Variants in MAP3K1 observed in about 807,000 individuals in gnomAD.
The protein encoded by MAP3K1 is mitogen-activated protein kinase kinase kinase 1.
A neutral mutation model predicts 144.2 loss-of-function variants in MAP3K1; 36 were observed. The ratio of observed to expected loss-of-function variants is 0.25; its 90% confidence interval spans 0.19 to 0.33. MAP3K1 has a LOEUF of 0.33. MAP3K1 is among the 10% of genes least tolerant of loss of function. The probability of loss-of-function intolerance (pLI) is 1.00; values close to 1 mark genes in which losing one functional copy is unlikely to be tolerated. For missense variants in MAP3K1, 1,650 were observed against 1,881.9 expected (o/e 0.88, Z 2.28); for synonymous variants, 718 against 688.7 (o/e 1.04, Z -0.67).
chr5:56,816,662 C>T (rs1745983190), intron 1 of MAP3K1, among the ~76,000 whole-genome samples: 1 of 152,092 alleles, frequency 6.6e-6, no homozygotes, highest in Middle Eastern at 3.2e-3. Context: ...GCGGCGCGCC[C>T]CCAGCGCCGG....
chr5:56,888,882 G>A (rs993014795), intron 19 of MAP3K1, among the ~76,000 whole-genome samples: 1 of 152,230 alleles, frequency 6.6e-6, no homozygotes, highest in Non-Finnish European at 1.5e-5. Flanking sequence ...AAGAGCATCT[G>A]TGTATGTGTG....
intron 1 of MAP3K1, among the ~76,000 whole-genome samples, chr5:56,848,421 G>A (rs996992363): frequency 3.3e-5 from 5 of 152,144 alleles, no homozygotes; most frequent in African/African-American, 1.2e-4. Context: ...TTGATTAGAA[G>A]TGATAATCAG....
chr5:56,847,411 A>G (rs1747032504), intron 1 of MAP3K1, among the ~76,000 whole-genome samples: 1 of 152,224 alleles, frequency 6.6e-6, no homozygotes, highest in African/African-American at 2.4e-5. Context: ...AGCCTGGCCA[A>G]CATGGTGAAA....
At chr5:56,821,589 T>G (rs1480065307) in intron 1 of MAP3K1, among the ~76,000 whole-genome samples, 1 of 152,206 alleles carries the variant, frequency 6.6e-6, no homozygotes, top group East Asian at 1.9e-4. Context: ...TAGAAATGGG[T>G]TCTCACTATG....
At chr5:56,848,532 CAAAG>C (rs1747067674) in intron 1 of MAP3K1, among the ~76,000 whole-genome samples, 1 of 152,134 alleles carries the variant, frequency 6.6e-6, no homozygotes, top group South Asian at 2.1e-4. Context: ...GCCCTGCCCT[CAAAG>C]AATTTACCCT....
chr5:56,819,205 G>A (rs1196786143), intron 1 of MAP3K1, among the ~76,000 whole-genome samples: 1 of 152,150 alleles, frequency 6.6e-6, no homozygotes, highest in Non-Finnish European at 1.5e-5. Context: ...ATCTGATTTT[G>A]GCAAGAGTGA....
intron 1 of MAP3K1, among the ~76,000 whole-genome samples, chr5:56,834,892 T>C (rs1031165119): frequency 6.6e-6 from 1 of 152,162 alleles, no homozygotes; most frequent in Non-Finnish European, 1.5e-5. Context: ...TAAAATAAGA[T>C]ACTTAATTTT....
At chr5:56,887,311 ACTGGGCTTTTAT>A in intron 17 of MAP3K1, 55 bp from the exon 18 acceptor site, 1 of 1,471,846 alleles carries the variant, frequency 6.8e-7, no homozygotes. Flanking sequence ...TTAGTATTGT[ACTGGGCTTTTAT>A]CTGTCCTTAT....
chr5:56,816,109 A>G, intron 1 of MAP3K1, 54 bp downstream of exon 1: 2 of 1,188,856 alleles, frequency 1.7e-6, no homozygotes, highest in Non-Finnish European at 2.1e-6. Context: ...GCAGAGGGCA[A>G]TGAATGAACC....
At chr5:56,827,752 T>C (rs140971042) in intron 1 of MAP3K1, among the ~76,000 whole-genome samples, 3,160 of 152,110 alleles carry the variant, frequency 0.021, 109 homozygotes, top group African/African-American at 0.073. Context: ...TAATCCCAGC[T>C]TCTTGGGAGG....
At chr5:56,851,023 C>T (rs1280888008) in intron 1 of MAP3K1, among the ~76,000 whole-genome samples, 9 of 152,230 alleles carry the variant, frequency 5.9e-5, no homozygotes, top group Admixed American at 4.6e-4. Flanking sequence ...CTCAGCTCAC[C>T]GCAACCTCAG....
chr5:56,857,711 A>C lies in MAP3K1; in HGVS notation c.633+961A>C, dbSNP rs187385606. Among the ~76,000 whole-genome samples the C allele has an allele frequency of 6.5e-3, 986 of 152,316 alleles. 9 individuals carry two copies. Among genetic ancestry groups the C allele is most frequent in the African/African-American group, 0.02 (842 of 41,562 alleles). ...CACATGTGGCCAATGGCTACCTTTT[A>C]GGCAGTGCAGTTTTAGCACATTTTC... is the stretch of plus-strand genomic sequence containing the variant. On this transcript the variant is annotated intron_variant, in intron 2 of 19. Coordinates refer to ENST00000399503, the MANE Select transcript of MAP3K1 (RefSeq NM_005921.2).
At position 56,856,724 on chromosome 5, in the gene MAP3K1, G is replaced by A. The variant is rs770795396; in HGVS notation, c.607G>A (p.Glu203Lys). ...GCCAGCCTGGAAGCACGAATGGTTG[G>A]AAAGGAGAAATAGGCGAGGGCCTGT... is the stretch of plus-strand genomic sequence containing the variant. ...CMPAWKHEWL[E>K]RRNRRGPVVV... is the part of the protein sequence containing the mutation. Residue 203 changes from glutamate (E) to lysine (K), a missense_variant, in exon 2 of 20, where the codon GAA becomes AAA. By Grantham distance (56) the Glu-to-Lys change is moderately conservative (BLOSUM62 1). This residue lies in a region of MAP3K1 where 148 missense variants were observed against 177.2 expected (regional missense o/e 0.84). Transcript: ENST00000399503. The A allele has an allele frequency of 1.5e-5, 24 of 1,614,062 alleles. No individual in the cohort carries two copies. The highest frequency in any genetic ancestry group is 2.0e-5 in the Non-Finnish European group (24 of 1,179,920).
Position 56,815,896 on chromosome 5 carries a change from T to C in MAP3K1, c.323T>C (p.Val108Ala), listed in dbSNP as rs1422922170. Reference sequence around the variant, plus strand: ...GGGAGTGGGACCGGCTTCCAGCCTGTGGCGGTGCCGCCGCCCCACGGAGCC... The same window carrying C: ...GGGAGTGGGACCGGCTTCCAGCCTGCGGCGGTGCCGCCGCCCCACGGAGCC... ...AAGSGTGFQP[V>A]AVPPPHGAAS... The change falls in exon 1 of 20, where the codon GTG (valine) becomes GCG (alanine). Residue 108 changes from valine to alanine, a missense_variant. Val to Ala is a moderately conservative substitution (Grantham distance 64). Transcript: ENST00000399503. The C allele has an allele frequency of 7.6e-7, 1 of 1,313,908 alleles. No homozygotes were observed. Among genetic ancestry groups the C allele is most frequent in the Admixed American group, 3.7e-5 (1 of 27,298 alleles). The allele number at this position is 1,313,908 out of a possible 1,614,324, so 81.4% of individuals were successfully genotyped here.
chr5:56,856,230 CTATCTGTATTGACTTAATT>C (rs1279435982), intron 1 of MAP3K1, among the ~76,000 whole-genome samples: 1 of 152,168 alleles, frequency 6.6e-6, no homozygotes, highest in Non-Finnish European at 1.5e-5. Context: ...CCACCAGATT[CTATCTGTATTGACTTAATT>C]TATTGGAAAT....
chr5:56,875,076 G>T lies in MAP3K1; in HGVS notation c.1731G>T (p.Trp577Cys). 1 of 1,614,202 alleles carries T rather than the reference G, an allele frequency of 6.2e-7. No individual in the cohort carries two copies. Among genetic ancestry groups the T allele is most frequent in the East Asian group, 2.2e-5 (1 of 44,884 alleles). ...TTGGCTGCTTATTTTCTAGAAACTG[G>T]AATGTGAGAGAGATGGCCCTCAGGC... Reference protein sequence around the residue: ...ELVGCLFSRNWNVREMALRRL... With the variant: ...ELVGCLFSRNCNVREMALRRL... Residue 577 changes from tryptophan to cysteine, a missense_variant, in exon 10 of 20, where the codon TGG becomes TGT. Trp to Cys is a radical substitution (Grantham distance 215). Coordinates refer to ENST00000399503, the MANE Select transcript of MAP3K1 (RefSeq NM_005921.2).
At chr5:56,875,405 C>G in intron 10 of MAP3K1, 95 bp downstream of exon 10, 4 of 1,374,010 alleles carry the variant, frequency 2.9e-6, no homozygotes, top group Non-Finnish European at 4.0e-6. Context: ...AGCTACTTTA[C>G]CTAATTTTGG....
intron 6 of MAP3K1, among the ~76,000 whole-genome samples, chr5:56,869,369 G>GTT (rs1448503335): frequency 2.0e-4 from 31 of 152,158 alleles, no homozygotes; most frequent in African/African-American, 7.2e-4. Flanking sequence ...AGATGAAAAG[G>GTT]ATACTGGAGA....
intron 1 of MAP3K1, among the ~76,000 whole-genome samples, chr5:56,853,624 A>AC (rs879850869): frequency 5.9e-5 from 9 of 152,374 alleles, no homozygotes; most frequent in Admixed American, 5.9e-4. Flanking sequence ...AAGGAAAAAT[A>AC]CAAGTGCTGT....
Sources: allele counts gnomAD v4.1 joint callset (sites outside exome capture counted in the v4.1 genomes callset), GRCh38; gene constraint gnomAD v4.1.1; regional missense constraint gnomAD v4.1.1; transcripts MANE v1.5; gene names NCBI Gene and HGNC (gene_info 2026-07-23, HGNC 2026-07-21).